The following MAU2 variants were observed in gnomAD, a reference collection of about 807,000 sequenced individuals.
MAU2 encodes the protein MAU2 sister chromatid cohesion factor.
In MAU2, 9 loss-of-function variants were observed where a neutral mutation model predicts 89.1. The observed-to-expected ratio is 0.10, with a 90% CI of 0.06 to 0.18. The LOEUF (loss-of-function observed/expected upper bound fraction) is 0.18, where lower values mean the gene tolerates loss of function less well. MAU2 is among the 10% of genes least tolerant of loss of function. The probability of loss-of-function intolerance (pLI) is 1.00; values close to 1 mark genes in which losing one functional copy is unlikely to be tolerated. For synonymous variants in MAU2, 357 were observed against 343.4 expected (o/e 1.04, Z -0.44); for missense variants, 425 against 803.5 (o/e 0.53, Z 5.69).
intron 7 of MAU2, among the ~76,000 whole-genome samples, chr19:19,341,970 G>A (rs1338843250): frequency 3.9e-5 from 6 of 152,138 alleles, no homozygotes; most frequent in Admixed American, 3.3e-4. Flanking sequence ...GGCCACAGGC[G>A]AGTCTCCACA....
chr19:19,327,746 A>G (rs1361142827), intron 1 of MAU2, among the ~76,000 whole-genome samples: 1 of 151,886 alleles, frequency 6.6e-6, no homozygotes, highest in Non-Finnish European at 1.5e-5. Context: ...AGGGCCTCAG[A>G]ACACCTGCCG....
Position 19,323,894 on chromosome 19 carries a change from CAA to C in MAU2, c.276+2762_276+2763del, listed in dbSNP as rs565764003. Reference sequence around the variant, plus strand: ...CCAAGGCTGCACAACAAGTTATTGACAAAACTAGGCTCAAACTCCAGCTCAGT... The same window carrying C: ...CCAAGGCTGCACAACAAGTTATTGACAACTAGGCTCAAACTCCAGCTCAGT... On this transcript the variant is annotated intron_variant, in intron 1 of 18. Coordinates refer to ENST00000262815, the MANE Select transcript of MAU2 (RefSeq NM_015329.4). 2.3e-4 allele frequency among the ~76,000 whole-genome samples: 35 copies of C among 152,308 alleles called. No homozygotes were observed. The South Asian group carries it at 7.3e-3, about 32-fold the overall frequency.
At chr19:19,340,620 C>T (rs2061636513) in intron 5 of MAU2, among the ~76,000 whole-genome samples, 1 of 152,268 alleles carries the variant, frequency 6.6e-6, no homozygotes, top group Middle Eastern at 3.4e-3. Flanking sequence ...GCCTGGGCGA[C>T]AGAGCGAGAC....
In MAU2 at chr19:19,345,489, G is replaced by A; in HGVS notation, c.1221+120G>A. The stretch of plus-strand genomic sequence containing the variant: ...TCAGCTATGCAAAGCCGCAGCCCCA[G>A]AGGCAATGCACAGTAGTCAGCCCAT... On this transcript the variant is annotated intron_variant, in intron 12 of 18. Transcript: ENST00000262815. This position sits in a 1 kb window ranked among gnomAD's most constrained non-coding sequence, Gnocchi z 4.9. 1.1e-6 allele frequency: 1 copy of A among 935,730 alleles called. No individual in the cohort carries two copies. 58.0% of individuals were successfully genotyped at this position (935,730 alleles called of 1,614,324 possible). A position where few individuals can be genotyped will look rare whatever the true frequency, so the allele number is the denominator to read the frequency against.
In MAU2 at chr19:19,355,721, C is replaced by T. The variant is rs994933565; in HGVS notation, c.1781C>T (p.Pro594Leu). ...EHNLITWTDG[P>L]PPVQFQAQNG... ...TCCTCCCCACAGTGGACAGACGGTC[C>T]ACCCCCCGTGCAGTTCCAAGCTCAG... The change falls in exon 19 of 19, where the codon CCA becomes CTA. Residue 594 changes from proline to leucine, a missense_variant. Around this residue, in one of 11 missense-constraint regions of MAU2, gnomAD observed 42 missense variants for 42.4 expected, o/e 0.99. Transcript: ENST00000262815. 5.0e-6 allele frequency: 8 copies of T among 1,610,706 alleles called. No homozygotes were observed. The East Asian group carries it at 1.3e-4, about 27-fold the overall frequency.
intron 10 of MAU2, chr19:19,344,520 T>TA: frequency 2.4e-6 from 1 of 415,014 alleles, no homozygotes; most frequent in South Asian, 3.6e-5. Context: ...CAGTGATTGT[T>TA]ATACCCCACC....
intron 16 of MAU2, among the ~76,000 whole-genome samples, chr19:19,350,358 C>CT (rs1326272295): frequency 6.6e-6 from 1 of 150,596 alleles, no homozygotes; most frequent in Non-Finnish European, 1.5e-5. Flanking sequence ...AATCCCAGCA[C>CT]TTTGGGAGGC....
intron 18 of MAU2, 145 bp downstream of exon 18, chr19:19,355,536 G>A (rs2048167876): frequency 1.5e-6 from 2 of 1,305,288 alleles, no homozygotes; most frequent in Non-Finnish European, 2.1e-6. Context: ...AGATGGCCAT[G>A]GGCACCCCCA....
At chr19:19,350,829 G>A (rs1175001722) in intron 16 of MAU2, among the ~76,000 whole-genome samples, 1 of 151,502 alleles carries the variant, frequency 6.6e-6, no homozygotes, top group Non-Finnish European at 1.5e-5. Flanking sequence ...GAACCAGGAA[G>A]GCGGAGCTTG....
chr19:19,350,871 G>A (rs2061738409), intron 16 of MAU2, among the ~76,000 whole-genome samples: 1 of 148,354 alleles, frequency 6.7e-6, no homozygotes, highest in Non-Finnish European at 1.5e-5. Context: ...CTGCACTCCA[G>A]CCTGGGCAAC....
At chr19:19,329,010 G>C (rs1355597771) in intron 1 of MAU2, 2 of 455,808 alleles carry the variant, frequency 4.4e-6, no homozygotes, top group Admixed American at 2.4e-5. Context: ...TTAGAAAGCA[G>C]CTCCAGACTG....
At position 19,341,206 on chromosome 19, in the gene MAU2, G is replaced by C. The variant is rs993797814; in HGVS notation, c.580-46G>C. Reference sequence around the variant, plus strand: ...ACCCTGTGCTCCCGGTCCTGGGAGGGCCCCTGCAAGCCCTGTACCCTACAC... The same window carrying C: ...ACCCTGTGCTCCCGGTCCTGGGAGGCCCCCTGCAAGCCCTGTACCCTACAC... On this transcript the variant is annotated intron_variant, in intron 6 of 18. Coordinates refer to ENST00000262815, the MANE Select transcript of MAU2 (RefSeq NM_015329.4). 5.7e-6 allele frequency: 9 copies of C among 1,576,898 alleles called. No individual in the cohort carries two copies. In the African/African-American group the frequency reaches 1.2e-4, roughly 21 times the overall value.
intron 16 of MAU2, chr19:19,353,608 A>C (rs753551697): frequency 2.0e-5 from 3 of 152,336 alleles, no homozygotes; most frequent in Non-Finnish European, 2.9e-5. Context: ...AGGAGCCATC[A>C]TCTAGGGAAT....
At chr19:19,336,470 T>C in intron 3 of MAU2, among the ~76,000 whole-genome samples, 1 of 152,014 alleles carries the variant, frequency 6.6e-6, no homozygotes, top group East Asian at 1.9e-4. Flanking sequence ...TGGCTAATTT[T>C]TTTTATTTGT....
At chr19:19,342,430 G>T in intron 7 of MAU2, 105 bp from the exon 8 acceptor site, 1 of 1,393,164 alleles carries the variant, frequency 7.2e-7, no homozygotes, top group Non-Finnish European at 9.6e-7. Context: ...CTGGCAGAAG[G>T]GGAAGGCAGA....
At chr19:19,331,083 A>T (rs1599895733) in intron 1 of MAU2, among the ~76,000 whole-genome samples, 1 of 151,636 alleles carries the variant, frequency 6.6e-6, no homozygotes, top group Admixed American at 6.6e-5. Flanking sequence ...CCCTAAGGTG[A>T]CCCCAGGGGC....
rs948105889 is a variant in MAU2 at position 19,355,935 on chromosome 19, C to T, written c.*153C>T. ...TGTGCGGGGCCAGTCCCTGCCCTCC[C>T]AGGAGGGGTGGTAGCCGTTCCCACC... On this transcript the variant is annotated 3_prime_UTR_variant, in exon 19 of 19. Transcript: ENST00000262815. 3.4e-5 allele frequency: 27 copies of T among 783,556 alleles called. No homozygotes were observed. In the African/African-American group the frequency reaches 4.3e-4, roughly 12 times the overall value. 48.5% of individuals were successfully genotyped at this position (783,556 alleles called of 1,614,324 possible).
chr19:19,331,651 C>T (rs1203367762), intron 1 of MAU2, among the ~76,000 whole-genome samples: 1 of 151,920 alleles, frequency 6.6e-6, no homozygotes. Context: ...ACTGCAATCC[C>T]AGTACTTTGG....
In MAU2 at chr19:19,332,256, G is replaced by A. The variant is rs1322168352; in HGVS notation, c.277-3462G>A. On this transcript the variant is annotated intron_variant, in intron 1 of 18. Transcript: ENST00000262815. ...GCTCACTGCAGCCCCAAACTCCTGG[G>A]CTCAAGTGATCCTCCCACGTCAGCC... Among the ~76,000 whole-genome samples, 14 of 151,078 alleles carry A rather than the reference G, an allele frequency of 9.3e-5. No homozygotes were observed. The East Asian group carries it at 2.1e-3, about 23-fold the overall frequency.
Sources: gnomAD v4.1 joint callset for allele counts (sites outside exome capture counted in the v4.1 genomes callset) on GRCh38, gnomAD v4.1.1 for gene constraint, gnomAD v4.1.1 regional missense constraint, Gnocchi (gnomAD v3.1) non-coding constraint, MANE v1.5 for transcripts, NCBI Gene and HGNC (gene_info 2026-07-23, HGNC 2026-07-21) for gene names.